Variants in SPAST observed in about 807,000 individuals in gnomAD.
SPAST encodes spastic paraplegia 4 (autosomal dominant; spastin).
A neutral mutation model predicts 76.6 loss-of-function variants in SPAST; 30 were observed. The observed-to-expected ratio is 0.39, with a 90% confidence interval of 0.29 to 0.53. The LOEUF is 0.53. Ranked by LOEUF, SPAST falls within the 20% of genes least tolerant of loss-of-function variation. The probability of loss-of-function intolerance (pLI) is 0.68; values close to 1 mark genes in which losing one functional copy is unlikely to be tolerated. For synonymous variants in SPAST, 305 were observed against 281.0 expected, an observed-to-expected ratio of 1.09 and a Z score of -0.86; for missense variants, 717 against 770.5, an observed-to-expected ratio of 0.93 and a Z score of 0.82.
intron 7 of SPAST, 143 bp downstream of exon 7, chr2:32,116,355 A>G (rs1336410605): frequency 1.6e-6 from 1 of 643,824 alleles, no homozygotes; most frequent in Non-Finnish European, 2.7e-6. Context: ...TAAAAAAGAT[A>G]AAACATTAAC....
intron 4 of SPAST, among the ~76,000 whole-genome samples, chr2:32,099,480 C>G (rs1573089071): frequency 6.6e-6 from 1 of 152,186 alleles, no homozygotes; most frequent in Admixed American, 6.5e-5. Flanking sequence ...GTAGGGGACT[C>G]TCCATTTCTT....
At chr2:32,100,256 A>G (rs1165294313) in intron 4 of SPAST, among the ~76,000 whole-genome samples, 3 of 149,608 alleles carry the variant, frequency 2.0e-5, no homozygotes, top group African/African-American at 7.4e-5. Context: ...TTCCCTCATA[A>G]TTAACGATGT....
chr2:32,080,760 T>A, intron 1 of SPAST, among the ~76,000 whole-genome samples: 1 of 151,518 alleles, frequency 6.6e-6, no homozygotes, highest in Admixed American at 6.6e-5. Flanking sequence ...TGGGTTTCAG[T>A]TCTTGTATGG....
At chr2:32,113,208 A>G (rs532712414) in intron 4 of SPAST, among the ~76,000 whole-genome samples, 57 of 151,706 alleles carry the variant, frequency 3.8e-4, no homozygotes, top group South Asian at 1.0e-3. Context: ...GCTCACTGCA[A>G]TCGGGTAGCT....
At chr2:32,093,829 A>G (rs769626652) in intron 3 of SPAST, among the ~76,000 whole-genome samples, 17 of 152,134 alleles carry the variant, frequency 1.1e-4, no homozygotes, top group African/African-American at 1.9e-4. Flanking sequence ...ATATATATAT[A>G]TATATAACAG....
At chr2:32,136,761 A>G (rs1190682284) in intron 10 of SPAST, 116 bp from the exon 11 acceptor site, 2 of 1,205,322 alleles carry the variant, frequency 1.7e-6, no homozygotes, top group African/African-American at 3.0e-5. Context: ...AAGCTTAAAG[A>G]CTATCTAATG....
rs1677539334 is a variant in SPAST at position 32,087,637 on chromosome 2, G to GATTTCAGA, written c.502+60_502+67dup. 7.5e-6 allele frequency: 5 copies of GATTTCAGA among 669,656 alleles called. No individual in the cohort carries two copies. In the East Asian group the frequency reaches 1.5e-4, roughly 21 times the overall value. 41.5% of individuals were successfully genotyped at this position (669,656 alleles called of 1,614,324 possible). A position where few individuals can be genotyped will look rare whatever the true frequency, so the allele number is the denominator to read the frequency against. On this transcript the variant is annotated intron_variant, in intron 2 of 16. Coordinates refer to ENST00000315285, the MANE Select transcript of SPAST (RefSeq NM_014946.4). ...TATGATATATTCACATGATTGTCCA[G>GATTTCAGA]ATTTCAGATCTATTTATTTATTTAT...
intron 7 of SPAST, 124 bp from the exon 8 acceptor site, chr2:32,126,824 C>T: frequency 3.0e-6 from 2 of 670,182 alleles, no homozygotes; most frequent in Non-Finnish European, 5.4e-6. Flanking sequence ...TATGTGTTTC[C>T]TTTAAAGCTA....
At chr2:32,084,166 T>TTTTG (rs981616580) in intron 1 of SPAST, among the ~76,000 whole-genome samples, 1 of 151,692 alleles carries the variant, frequency 6.6e-6, no homozygotes. Flanking sequence ...TTCATTTCTT[T>TTTTG]TTTGTTTGTT....
chr2:32,145,700 A>T (rs948248051), intron 15 of SPAST, among the ~76,000 whole-genome samples: 3 of 152,284 alleles, frequency 2.0e-5, no homozygotes, highest in South Asian at 2.1e-4. Flanking sequence ...CTATGTTTTT[A>T]TTCAGGTTAC....
At chr2:32,130,792 C>G (rs1679347016) in intron 9 of SPAST, among the ~76,000 whole-genome samples, 1 of 151,452 alleles carries the variant, frequency 6.6e-6, no homozygotes, top group Admixed American at 6.6e-5. Context: ...TAGCCTCTTT[C>G]CATGAGAGGC....
At position 32,108,158 on chromosome 2, in the gene SPAST, G is replaced by A. The variant is rs181665331; in HGVS notation, c.683-6480G>A. On this transcript the variant is annotated intron_variant, in intron 4 of 16. Transcript: ENST00000315285. ...GTTTAAAGAATTGAAAGAAAATATG[G>A]TATCAGTTAAACAGGAAATCTAAGT... Among the ~76,000 whole-genome samples, 326 of 152,150 alleles carry A rather than the reference G, an allele frequency of 2.1e-3. 1 individual carries two copies. The highest frequency in any genetic ancestry group is 7.3e-3 in the African/African-American group (305 of 41,504).
intron 3 of SPAST, among the ~76,000 whole-genome samples, chr2:32,091,689 C>T (rs1168623055): frequency 1.3e-5 from 2 of 151,714 alleles, no homozygotes; most frequent in East Asian, 2.0e-4. Flanking sequence ...AAAAAACTAG[C>T]CAGGTGTGGT....
intron 16 of SPAST, among the ~76,000 whole-genome samples, chr2:32,149,000 G>T (rs1247901629): frequency 6.6e-6 from 1 of 151,710 alleles, no homozygotes; most frequent in African/African-American, 2.4e-5. Flanking sequence ...CATGAAACTT[G>T]TGGGGGTTTA....
intron 14 of SPAST, among the ~76,000 whole-genome samples, chr2:32,143,818 C>T (rs1371813486): frequency 6.6e-6 from 1 of 152,068 alleles, no homozygotes; most frequent in Non-Finnish European, 1.5e-5. Context: ...GTGGGAGGAT[C>T]GCTTCAGCCC....
chr2:32,110,761 A>ATATAG (rs556668532), intron 4 of SPAST, among the ~76,000 whole-genome samples: 1 of 134,018 alleles, frequency 7.5e-6, no homozygotes, highest in African/African-American at 2.9e-5. Flanking sequence ...AGTATAGTAT[A>ATATAG]TATAGTATAC....
chr2:32,074,339 C>G (rs1205861525), intron 1 of SPAST, among the ~76,000 whole-genome samples: 2 of 152,044 alleles, frequency 1.3e-5, no homozygotes, highest in Non-Finnish European at 2.9e-5. Context: ...CATGTTTTGC[C>G]TGTGTTTAGA....
At chr2:32,115,928 C>G (rs144489943) in intron 6 of SPAST, 93 bp downstream of exon 6, 9 of 1,080,466 alleles carry the variant, frequency 8.3e-6, no homozygotes, top group Non-Finnish European at 1.1e-5. Context: ...TAATAAATAC[C>G]TTGTCTGGTT....
chr2:32,066,407 C>T (rs1301912395), intron 1 of SPAST, among the ~76,000 whole-genome samples: 3 of 152,196 alleles, frequency 2.0e-5, no homozygotes, highest in East Asian at 1.9e-4. Context: ...TGGTGGCTCA[C>T]GCGTGTAATC....
Sources: allele counts gnomAD v4.1 joint callset (sites outside exome capture counted in the v4.1 genomes callset), GRCh38; gene constraint gnomAD v4.1.1; transcripts MANE v1.5; gene names NCBI Gene and HGNC (gene_info 2026-07-23, HGNC 2026-07-21).